Variants in MEGF11 observed in about 807,000 individuals in gnomAD.
The protein encoded by MEGF11 is multiple epidermal growth factor-like domains protein 11.
MEGF11 carries 126 observed loss-of-function variants against 146.6 expected under a neutral mutation model. The observed-to-expected ratio is 0.86, with a 90% CI of 0.74 to 1.00. The LOEUF (loss-of-function observed/expected upper bound fraction) is 1.00, where lower values mean the gene tolerates loss of function less well. Among genes scored for constraint, MEGF11 ranks in the 50% least tolerant of loss-of-function variants. MEGF11 has a pLI of 0.00. For missense variants in MEGF11, 1,509 were observed against 1,521.2 expected (o/e 0.99, Z 0.13); for synonymous variants, 532 against 583.4 (o/e 0.91, Z 1.27).
rs141315551 is a variant in MEGF11, at chr15:65,917,030, G to A, written c.2087-74C>T. 214 of 1,382,114 alleles carry A rather than the reference G, an allele frequency of 1.5e-4. No homozygotes were observed. The African/African-American group carries it at 2.7e-3, about 18-fold the overall frequency. 85.6% of individuals were successfully genotyped at this position (1,382,114 alleles called of 1,614,324 possible). A position where few individuals can be genotyped will look rare whatever the true frequency, so the allele number is the denominator to read the frequency against. On this transcript the variant is annotated intron_variant, in intron 16 of 25. Coordinates refer to ENST00000395614, the MANE Select transcript of MEGF11 (RefSeq NM_001385028.1). ...AGACGGAGAGGGAGAAGAAGGGGGA[G>A]TACATGTCAGAGCCAAGATGCCAAG...
At chr15:66,055,643 A>AG (rs1332502823) in intron 5 of MEGF11, among the ~76,000 whole-genome samples, 102 of 152,336 alleles carry the variant, frequency 6.7e-4, no homozygotes, top group African/African-American at 2.4e-3. Flanking sequence ...GGGACTCAAC[A>AG]CAGTTTTCAC....
chr15:66,168,514 C>G (rs2090160162), intron 1 of MEGF11, among the ~76,000 whole-genome samples: 1 of 152,204 alleles, frequency 6.6e-6, no homozygotes, highest in African/African-American at 2.4e-5. Flanking sequence ...TGAGCACTTA[C>G]AGCTCAGTGA....
chr15:66,178,143 G>T (rs550543657), intron 1 of MEGF11, among the ~76,000 whole-genome samples: 3 of 152,190 alleles, frequency 2.0e-5, no homozygotes, highest in African/African-American at 7.2e-5. Flanking sequence ...GGCTAACCAT[G>T]CGCTGCTAAT....
intron 5 of MEGF11, among the ~76,000 whole-genome samples, chr15:66,041,518 G>A (rs1338392684): frequency 2.0e-5 from 3 of 152,244 alleles, no homozygotes; most frequent in Non-Finnish European, 4.4e-5. Context: ...TGCCTCCGAT[G>A]TACTGTTCAA....
intron 1 of MEGF11, among the ~76,000 whole-genome samples, chr15:66,227,303 G>A (rs936581283): frequency 6.6e-6 from 1 of 152,046 alleles, no homozygotes; most frequent in East Asian, 1.9e-4. Context: ...ACAGGATAAC[G>A]CGTGGGAATT....
chr15:65,935,806 A>G (rs2079763030), intron 10 of MEGF11, among the ~76,000 whole-genome samples: 1 of 152,186 alleles, frequency 6.6e-6, no homozygotes, highest in Non-Finnish European at 1.5e-5. Flanking sequence ...TAACACCTCA[A>G]CAAGCACAAG....
chr15:66,165,653 A>G (rs1321023660), intron 1 of MEGF11, among the ~76,000 whole-genome samples: 1 of 151,380 alleles, frequency 6.6e-6, no homozygotes, highest in East Asian at 1.9e-4. Context: ...TCTCTCCTCT[A>G]TTTCCTACCT....
intron 5 of MEGF11, among the ~76,000 whole-genome samples, chr15:66,034,939 C>G (rs543707375): frequency 6.6e-6 from 1 of 152,314 alleles, no homozygotes; most frequent in Admixed American, 6.5e-5. Context: ...CTCTCTTGCC[C>G]TCTTGTCATG....
At chr15:66,202,508 G>C (rs1268595205) in intron 1 of MEGF11, among the ~76,000 whole-genome samples, 1 of 152,202 alleles carries the variant, frequency 6.6e-6, no homozygotes, top group Non-Finnish European at 1.5e-5. Flanking sequence ...AGCTGGCCTG[G>C]CAGTCTGCTC....
At chr15:66,068,733 T>C (rs752348056) in intron 5 of MEGF11, among the ~76,000 whole-genome samples, 1 of 152,168 alleles carries the variant, frequency 6.6e-6, no homozygotes, top group Non-Finnish European at 1.5e-5. Context: ...GCTCTGTTCT[T>C]CAGGTGACTG....
chr15:66,074,051 A>G (rs897863620), intron 5 of MEGF11, among the ~76,000 whole-genome samples: 4 of 152,142 alleles, frequency 2.6e-5, no homozygotes, highest in Admixed American at 2.0e-4. Context: ...CTTGCTACAG[A>G]TGTTTTCATT....
intron 7 of MEGF11, among the ~76,000 whole-genome samples, chr15:65,976,098 A>C (rs1555457912): frequency 7.0e-6 from 1 of 142,718 alleles, no homozygotes; most frequent in Non-Finnish European, 1.5e-5. Flanking sequence ...GCTGGAGTGC[A>C]ATGATGTGAT....
At chr15:66,106,156 TAAA>T (rs2140813735) in intron 4 of MEGF11, among the ~76,000 whole-genome samples, 1 of 152,136 alleles carries the variant, frequency 6.6e-6, no homozygotes, top group East Asian at 1.9e-4. Flanking sequence ...CACTGCTGCT[TAAA>T]AAGGGAAAGG....
intron 4 of MEGF11, among the ~76,000 whole-genome samples, chr15:66,107,313 G>C (rs933555287): frequency 6.6e-6 from 1 of 152,208 alleles, no homozygotes; most frequent in African/African-American, 2.4e-5. Context: ...ACCCTCACTG[G>C]GGCCACTCAG....
intron 5 of MEGF11, among the ~76,000 whole-genome samples, chr15:65,990,715 GAA>G: frequency 1.1e-3 from 2 of 1,844 alleles, no homozygotes; most frequent in Admixed American, 0.029. Flanking sequence ...AAGGAAGGAA[GAA>G]AGAAAGAAAG....
intron 1 of MEGF11, among the ~76,000 whole-genome samples, chr15:66,155,183 C>T (rs1025273868): frequency 9.9e-5 from 15 of 152,214 alleles, no homozygotes; most frequent in Admixed American, 2.6e-4. Context: ...GCTGTCCTGG[C>T]TCTGTGCCTC....
intron 7 of MEGF11, among the ~76,000 whole-genome samples, chr15:65,976,412 A>G (rs749680120): frequency 6.6e-6 from 1 of 152,204 alleles, no homozygotes; most frequent in African/African-American, 2.4e-5. Context: ...GGACCTTTAC[A>G]TAGGTAATCA....
chr15:65,992,790 A>G (rs781206135), intron 5 of MEGF11, among the ~76,000 whole-genome samples: 7 of 152,054 alleles, frequency 4.6e-5, no homozygotes, highest in Admixed American at 1.3e-4. Context: ...TTAAGCCACA[A>G]CTGCTCAGGA....
In MEGF11 at chr15:65,953,002, A is replaced by G. The variant is rs28436922; in HGVS notation, c.1287+4545T>C. ...CAGTGCCCCCTGAGACCGACCATTC[A>G]GGGTGACCCACAGGTGCTTGGGTGG... is the stretch of plus-strand genomic sequence containing the variant. On this transcript the variant is annotated intron_variant, in intron 10 of 25. Coordinates refer to ENST00000395614, the MANE Select transcript of MEGF11 (RefSeq NM_001385028.1). Among the ~76,000 whole-genome samples the G allele has an allele frequency of 9.2e-3, 1,405 of 152,270 alleles. 22 individuals are homozygous for G. The highest frequency in any genetic ancestry group is 0.03 in the African/African-American group (1,260 of 41,558).
Sources: gnomAD v4.1 joint callset for allele counts (sites outside exome capture counted in the v4.1 genomes callset) on GRCh38, gnomAD v4.1.1 for gene constraint, MANE v1.5 for transcripts, NCBI Gene and HGNC (gene_info 2026-07-23, HGNC 2026-07-21) for gene names.